Variants in TSPAN11 observed in about 807,000 individuals in gnomAD.
TSPAN11 encodes the protein tetraspanin-11.
A neutral mutation model predicts 32.9 loss-of-function variants in TSPAN11; 29 were observed. The ratio of observed to expected loss-of-function variants is 0.88; its 90% CI spans 0.66 to 1.20. The LOEUF (loss-of-function observed/expected upper bound fraction) is 1.20, where lower values mean the gene tolerates loss of function less well. TSPAN11 is among the 50% of genes most tolerant of loss of function. The pLI, the probability that TSPAN11 is intolerant of heterozygous loss-of-function variation, is 0.00. For missense variants in TSPAN11, 283 were observed against 329.1 expected, an observed-to-expected ratio of 0.86 and a Z score of 1.08; for synonymous variants, 140 against 141.3, an observed-to-expected ratio of 0.99 and a Z score of 0.07.
At chr12:30,974,427 T>A (rs1938918254) in intron 3 of TSPAN11, among the ~76,000 whole-genome samples, 1 of 152,210 alleles carries the variant, frequency 6.6e-6, no homozygotes, top group South Asian at 2.1e-4. Flanking sequence ...GTTGCAAAAT[T>A]GTGCCAGGTT....
intron 1 of TSPAN11, chr12:30,927,026 C>A (rs1774828925): frequency 7.8e-7 from 1 of 1,284,416 alleles, no homozygotes; most frequent in Admixed American, 2.3e-5. Context: ...CTGCATGGGA[C>A]ACGCAACACG....
intron 1 of TSPAN11, among the ~76,000 whole-genome samples, chr12:30,939,594 G>A (rs994926047): frequency 6.6e-5 from 10 of 152,210 alleles, no homozygotes; most frequent in Non-Finnish European, 1.3e-4. Context: ...TGCAGCAGGA[G>A]AAGGGAGCCA....
chr12:30,972,731 G>A (rs1200264296), intron 3 of TSPAN11, among the ~76,000 whole-genome samples: 1 of 151,862 alleles, frequency 6.6e-6, no homozygotes, highest in East Asian at 1.9e-4. Context: ...TGAGCCAAGG[G>A]GTGGAGTAGC....
chr12:30,957,327 A>G (rs1360951264), intron 2 of TSPAN11, among the ~76,000 whole-genome samples: 3 of 146,214 alleles, frequency 2.1e-5, no homozygotes, highest in Non-Finnish European at 4.5e-5. Context: ...TTTGGTCTGC[A>G]CAGTGCCGTG....
the TSPAN11 span, among the ~76,000 whole-genome samples, chr12:31,008,530 G>C: frequency 1.3e-5 from 2 of 152,186 alleles, no homozygotes; most frequent in Non-Finnish European, 2.9e-5. Context: ...AGGAGGTCCT[G>C]CCACTGCCCC....
intron 2 of TSPAN11, among the ~76,000 whole-genome samples, chr12:30,961,836 G>A (rs953271982): frequency 1.3e-5 from 2 of 152,034 alleles, no homozygotes; most frequent in Non-Finnish European, 2.9e-5. Context: ...AGCCTTCCAG[G>A]CATGCTGAAG....
At position 30,926,813 on chromosome 12, in the gene TSPAN11, G is replaced by GC; in HGVS notation, c.-12+20dup. 1.8e-6 allele frequency: 1 copy of GC among 566,480 alleles called. No individual in the cohort carries two copies. The highest frequency in any genetic ancestry group is 2.0e-5 in the South Asian group (1 of 49,518). The allele number at this position is 566,480 out of a possible 1,614,324, so 35.1% of individuals were successfully genotyped here. On this transcript the variant is annotated intron_variant, in intron 1 of 7. Transcript: ENST00000546076. The stretch of plus-strand genomic sequence containing the variant: ...CCTGGCAGGGTAAGTGCAGAAGCGC[G>GC]CCCGAGGAGTGGGGGCGCCGCGGGA...
chr12:30,986,510 G>A (rs993284446), intron 7 of TSPAN11, among the ~76,000 whole-genome samples: 6 of 152,180 alleles, frequency 3.9e-5, no homozygotes, highest in African/African-American at 1.4e-4. Flanking sequence ...CACTGCCCTT[G>A]GTGGCCCTGA....
rs915587529 is a variant in TSPAN11 at position 30,996,487 on chromosome 12, T to C, written c.*4572T>C. 8 of 151,978 alleles carry C rather than the reference T, an allele frequency of 5.3e-5. No individual in the cohort carries two copies. Among genetic ancestry groups the C allele is most frequent in the African/African-American group, 1.9e-4 (8 of 41,410 alleles). 9.4% of individuals were successfully genotyped at this position (151,978 alleles called of 1,614,324 possible). A position where few individuals can be genotyped will look rare whatever the true frequency, so the allele number is the denominator to read the frequency against. On this transcript the variant is annotated 3_prime_UTR_variant, in exon 8 of 8. Transcript: ENST00000546076. ...AGAAGAGGTCTTAACCTAATGCGCATAGAGAAATTGTTCTCATTGTAAACA... is the reference window on the plus strand; with the variant it reads ...AGAAGAGGTCTTAACCTAATGCGCACAGAGAAATTGTTCTCATTGTAAACA...
rs745724968 is a variant in TSPAN11 at position 30,982,524 on chromosome 12, GC to G, written c.457-6del. ...ACCTCCAGCCTCTGCCTCTGCCTCT[GC>G]CTCCAGTTCAAGTGCTGTGGAAGCA... On this transcript the variant is annotated splice_polypyrimidine_tract_variant and splice_region_variant and intron_variant, in intron 5 of 7. Transcript: ENST00000546076. The G allele has an allele frequency of 1.2e-6, 2 of 1,600,656 alleles. No homozygotes were observed. The highest frequency in any genetic ancestry group is 4.5e-5 in the East Asian group (2 of 44,474).
chr12:30,957,316 AT>A (rs1401571829), intron 2 of TSPAN11, among the ~76,000 whole-genome samples: 1 of 144,258 alleles, frequency 6.9e-6, no homozygotes, highest in African/African-American at 2.6e-5. Context: ...GGGGATATGC[AT>A]TTGGTCTGCA....
chr12:30,969,044 A>G lies in TSPAN11; in HGVS notation c.276+5027A>G, dbSNP rs186471442. Among the ~76,000 whole-genome samples, 4 of 152,344 alleles carry G rather than the reference A, an allele frequency of 2.6e-5. No homozygotes were observed. The East Asian group carries it at 7.7e-4, about 29-fold the overall frequency. ...GGGAAGCAAGTCACCACATTATAAAAAGATGGTAAAAATGTGGCTCTAATG... is the reference window on the plus strand; with the variant it reads ...GGGAAGCAAGTCACCACATTATAAAGAGATGGTAAAAATGTGGCTCTAATG... On this transcript the variant is annotated intron_variant, in intron 3 of 7. Transcript: ENST00000546076.
intron 7 of TSPAN11, among the ~76,000 whole-genome samples, chr12:30,983,532 T>A (rs1939140116): frequency 6.6e-6 from 1 of 152,154 alleles, no homozygotes; most frequent in African/African-American, 2.4e-5. Flanking sequence ...TGCACGTATA[T>A]GTGTTTAGGG....
rs193097653 is a variant in TSPAN11, at chr12:30,949,066, C to T, written c.-11-4915C>T. ...AAAACATACAAGAGTCACCTTTGCTCCAGTTCCCAACAAGTTCCTCATCTC... is the reference window on the plus strand; with the variant it reads ...AAAACATACAAGAGTCACCTTTGCTTCAGTTCCCAACAAGTTCCTCATCTC... On this transcript the variant is annotated intron_variant, in intron 1 of 7. Transcript: ENST00000546076. Among the ~76,000 whole-genome samples the T allele has an allele frequency of 9.2e-5, 14 of 152,306 alleles. No individual in the cohort carries two copies. The East Asian group carries it at 2.1e-3, about 23-fold the overall frequency.
chr12:31,010,148 T>C, the TSPAN11 span, among the ~76,000 whole-genome samples: 2 of 152,046 alleles, frequency 1.3e-5, no homozygotes, highest in Non-Finnish European at 2.9e-5. Context: ...GCCTGAGAAG[T>C]GCTGTTATTT....
chr12:30,972,814 T>TG (rs907867001), intron 3 of TSPAN11, among the ~76,000 whole-genome samples: 1 of 59,206 alleles, frequency 1.7e-5, no homozygotes, highest in East Asian at 4.9e-4. Context: ...AGGGGGGAGG[T>TG]GGGGGGAGGG....
At chr12:30,983,287 C>T in intron 7 of TSPAN11, 137 bp downstream of exon 7, 1 of 792,792 alleles carries the variant, frequency 1.3e-6, no homozygotes, top group Non-Finnish European at 2.0e-6. Context: ...CTCTTCTTCT[C>T]TCCCCTTCCC....
rs534947370 is a variant in TSPAN11 at position 30,982,798 on chromosome 12, A to G, written c.615+108A>G. The G allele has an allele frequency of 1.1e-5, 16 of 1,437,026 alleles. No homozygotes were observed. The East Asian group carries it at 3.5e-4, about 31-fold the overall frequency. 89.0% of individuals were successfully genotyped at this position (1,437,026 alleles called of 1,614,324 possible). On this transcript the variant is annotated intron_variant, in intron 6 of 7. Transcript: ENST00000546076. The stretch of plus-strand genomic sequence containing the variant: ...GGTGGGTGTGGGAAAAGCAGGACAC[A>G]TGTGCTCCTTGGCCACGAGCCCACA...
chr12:30,955,827 G>A (rs1284818617), intron 2 of TSPAN11, among the ~76,000 whole-genome samples: 1 of 152,198 alleles, frequency 6.6e-6, no homozygotes, highest in Non-Finnish European at 1.5e-5. Flanking sequence ...AAGGACACCA[G>A]TCATATTAGA....
Sources: allele counts gnomAD v4.1 joint callset (sites outside exome capture counted in the v4.1 genomes callset), GRCh38; gene constraint gnomAD v4.1.1; transcripts MANE v1.5; gene names NCBI Gene and HGNC (gene_info 2026-07-23, HGNC 2026-07-21).